The following VPS50 variants were observed in gnomAD, a reference collection of about 807,000 sequenced individuals.
VPS50 encodes VPS50 subunit of EARP/GARPII complex, also known as syndetin.
Under a neutral mutation model 139.7 loss-of-function variants are expected in VPS50, and 70 were observed. That is an observed-to-expected ratio of 0.50 (90% confidence interval 0.41 to 0.61). The LOEUF (loss-of-function observed/expected upper bound fraction) is 0.61. Among genes scored for constraint, VPS50 ranks in the 20% least tolerant of loss-of-function variants. VPS50 has a pLI of 0.00. For synonymous variants in VPS50, 365 were observed against 376.7 expected, an observed-to-expected ratio of 0.97 and a Z score of 0.36; for missense variants, 921 against 1,133.7, an observed-to-expected ratio of 0.81 and a Z score of 2.69.
At chr7:93,275,333 A>G (rs1183954910) in intron 11 of VPS50, among the ~76,000 whole-genome samples, 1 of 152,138 alleles carries the variant, frequency 6.6e-6, no homozygotes, top group Non-Finnish European at 1.5e-5. Context: ...CATGCTACAG[A>G]GAAATATTTT....
intron 9 of VPS50, among the ~76,000 whole-genome samples, chr7:93,263,933 CTG>C (rs1288597627): frequency 2.0e-5 from 3 of 152,126 alleles, no homozygotes; most frequent in African/African-American, 7.2e-5. Flanking sequence ...TACAATATAA[CTG>C]TTTACATACA....
chr7:93,263,950 C>T (rs1005326834), intron 9 of VPS50, among the ~76,000 whole-genome samples: 1 of 152,004 alleles, frequency 6.6e-6, no homozygotes, highest in African/African-American at 2.4e-5. Context: ...CATACATTTG[C>T]ATTGTATTAG....
chr7:93,277,605 A>G (rs1350175749), intron 12 of VPS50, among the ~76,000 whole-genome samples: 1 of 152,176 alleles, frequency 6.6e-6, no homozygotes, highest in Non-Finnish European at 1.5e-5. Flanking sequence ...GTGATTATAT[A>G]TGATGTATTA....
At chr7:93,353,293 T>C (rs1455670932) in intron 25 of VPS50, among the ~76,000 whole-genome samples, 2 of 152,204 alleles carry the variant, frequency 1.3e-5, no homozygotes, top group African/African-American at 4.8e-5. Flanking sequence ...CTTGAAGATA[T>C]TTTTAAAGCC....
At chr7:93,308,756 CTG>C in intron 18 of VPS50, 66 bp from the exon 19 acceptor site, 2 of 707,578 alleles carry the variant, frequency 2.8e-6, no homozygotes, top group Non-Finnish European at 4.9e-6. Context: ...AGTACTTTCA[CTG>C]TGTTGAGACA....
intron 21 of VPS50, among the ~76,000 whole-genome samples, chr7:93,324,599 C>T (rs1238889341): frequency 3.9e-5 from 6 of 152,142 alleles, no homozygotes; most frequent in Non-Finnish European, 7.4e-5. Context: ...TATTGATTTG[C>T]GTATATTGAA....
intron 21 of VPS50, among the ~76,000 whole-genome samples, chr7:93,324,379 A>G (rs1180519337): frequency 2.6e-5 from 4 of 152,172 alleles, no homozygotes; most frequent in Non-Finnish European, 2.9e-5. Flanking sequence ...TTTCAAAGGG[A>G]ATGCTTCCAG....
intron 20 of VPS50, among the ~76,000 whole-genome samples, chr7:93,319,767 C>A (rs1797544828): frequency 6.6e-6 from 1 of 152,056 alleles, no homozygotes; most frequent in South Asian, 2.1e-4. Flanking sequence ...TCTGTATTTT[C>A]TCTGTTCTCT....
chr7:93,253,716 G>T, intron 3 of VPS50, 144 bp from the exon 4 acceptor site: 1 of 528,482 alleles, frequency 1.9e-6, no homozygotes, highest in Non-Finnish European at 3.5e-6. Flanking sequence ...GGGAGGTTGG[G>T]AGGACAGGTG....
chr7:93,242,378 G>T (rs1795019115), intron 2 of VPS50, among the ~76,000 whole-genome samples: 1 of 151,820 alleles, frequency 6.6e-6, no homozygotes, highest in South Asian at 2.1e-4. Context: ...ACAGGAAGTA[G>T]TCAGTATAGC....
In VPS50 at chr7:93,252,916, A is replaced by G. The variant is rs1795377354; in HGVS notation, c.225+141A>G. The G allele has an allele frequency of 5.0e-6, 3 of 603,404 alleles. No homozygotes were observed. The East Asian group carries it at 8.9e-5, about 18-fold the overall frequency. 37.4% of individuals were successfully genotyped at this position (603,404 alleles called of 1,614,324 possible). Reference sequence around the variant, plus strand: ...TGATTACCACATTGTGATTAAATCAACTGTCAGCATTGTTTGGCGATGAAA... The same window carrying G: ...TGATTACCACATTGTGATTAAATCAGCTGTCAGCATTGTTTGGCGATGAAA... On this transcript the variant is annotated intron_variant, in intron 3 of 27. Transcript: ENST00000305866.
intron 21 of VPS50, among the ~76,000 whole-genome samples, chr7:93,324,012 T>A (rs1374330491): frequency 1.3e-5 from 2 of 152,328 alleles, no homozygotes; most frequent in African/African-American, 2.4e-5. Context: ...ATGTGCAGGT[T>A]GCTTTTTTTA....
intron 26 of VPS50, 61 bp downstream of exon 26, chr7:93,353,822 C>T: frequency 4.7e-6 from 6 of 1,273,268 alleles, no homozygotes; most frequent in Non-Finnish European, 4.5e-6. Flanking sequence ...ATATGAATAA[C>T]ATACGGTATT....
In VPS50 at chr7:93,358,650, C is replaced by A; in HGVS notation, c.*214C>A. ...AACTTTTGGTCTCATTTGTTGTAAT[C>A]TGAAATGATGTTGCCGCCTTGTCAT... is the stretch of plus-strand genomic sequence containing the variant. On this transcript the variant is annotated 3_prime_UTR_variant, in exon 28 of 28. Transcript: ENST00000305866. 2.3e-6 allele frequency: 1 copy of A among 432,742 alleles called. No individual in the cohort carries two copies. The highest frequency in any genetic ancestry group is 4.2e-6 in the Non-Finnish European group (1 of 237,248). 26.8% of individuals were successfully genotyped at this position (432,742 alleles called of 1,614,324 possible). A position where few individuals can be genotyped will look rare whatever the true frequency, so the allele number is the denominator to read the frequency against.
intron 24 of VPS50, among the ~76,000 whole-genome samples, chr7:93,349,291 A>C (rs1052111786): frequency 6.6e-5 from 10 of 152,170 alleles, no homozygotes; most frequent in Non-Finnish European, 1.0e-4. Flanking sequence ...AGCTTGTTAG[A>C]GTTGGGAGGA....
At chr7:93,324,778 T>G (rs1043947037) in intron 21 of VPS50, among the ~76,000 whole-genome samples, 2 of 152,042 alleles carry the variant, frequency 1.3e-5, no homozygotes, top group Non-Finnish European at 2.9e-5. Context: ...AAACCACTGC[T>G]CAATGAAATA....
intron 11 of VPS50, among the ~76,000 whole-genome samples, chr7:93,274,490 A>G (rs551377993): frequency 8.9e-4 from 135 of 152,262 alleles, no homozygotes; most frequent in African/African-American, 3.1e-3. Context: ...CACATCGATT[A>G]CAACATGGCC....
rs781658045 is a variant in VPS50, at chr7:93,348,746, C to T, written c.2243C>T (p.Pro748Leu). The part of the protein sequence containing the change: ...FLAEQFEFLQ[P>L]HLDAVMPAVK... ...GCTGAACAGTTTGAGTTCCTTCAGC[C>T]ACATCTGGATGCTGTGATGCCTGCA... Residue 748 changes from proline to leucine, a missense_variant, in exon 24 of 28, where the codon CCA becomes CTA. This residue lies in a region of VPS50 where 744 missense variants were observed against 930.6 expected (regional missense o/e 0.80). Coordinates refer to ENST00000305866, the MANE Select transcript of VPS50 (RefSeq NM_017667.4). The T allele has an allele frequency of 1.2e-6, 2 of 1,613,626 alleles. No homozygotes were observed. Among genetic ancestry groups the T allele is most frequent in the South Asian group, 1.1e-5 (1 of 91,074 alleles).
chr7:93,356,249 C>G (rs975443558), intron 27 of VPS50, 169 bp downstream of exon 27: 2 of 368,764 alleles, frequency 5.4e-6, no homozygotes, highest in African/African-American at 2.1e-5. Context: ...TTAAGGGCAC[C>G]GTATCTAAGC....
Sources: allele counts gnomAD v4.1 joint callset (sites outside exome capture counted in the v4.1 genomes callset), GRCh38; gene constraint gnomAD v4.1.1; regional missense constraint gnomAD v4.1.1; transcripts MANE v1.5; gene names NCBI Gene and HGNC (gene_info 2026-07-23, HGNC 2026-07-21).